The following MYO3B variants were observed in gnomAD, a reference collection of about 807,000 sequenced individuals.
MYO3B encodes the protein myosin-IIIb.
Under a neutral mutation model 174.6 loss-of-function variants are expected in MYO3B, and 156 were observed. The observed-to-expected ratio is 0.89, with a 90% CI of 0.78 to 1.02. The LOEUF (loss-of-function observed/expected upper bound fraction) is 1.02. MYO3B is among the 50% of genes least tolerant of loss of function. The pLI is 0.00. For missense variants in MYO3B, 1,632 were observed against 1,639.4 expected (o/e 1.00, Z 0.08); for synonymous variants, 563 against 569.1 (o/e 0.99, Z 0.15).
chr2:170,594,009 T>A (rs1414006257), intron 32 of MYO3B, among the ~76,000 whole-genome samples: 1 of 152,180 alleles, frequency 6.6e-6, no homozygotes, highest in Admixed American at 6.5e-5. Flanking sequence ...CATGTTACCT[T>A]CCTTCCTTTG....
intron 7 of MYO3B, among the ~76,000 whole-genome samples, chr2:170,279,512 T>C (rs534886446): frequency 6.6e-6 from 1 of 152,184 alleles, no homozygotes; most frequent in Non-Finnish European, 1.5e-5. Flanking sequence ...GTTTGTTACA[T>C]AGGTAAACTT....
intron 32 of MYO3B, chr2:170,602,011 C>T: frequency 1.1e-6 from 1 of 912,492 alleles, no homozygotes. Flanking sequence ...TTTCATTTCT[C>T]TTTCATAACG....
chr2:170,214,842 GT>G lies in MYO3B; in HGVS notation c.526+15del, dbSNP rs772742183. ...TCGTTGACTTTGGTAATGACTGCTT[GT>G]CGTTTGTTTTCTTGACGTGTGCAGT... is the stretch of plus-strand genomic sequence containing the variant. On this transcript the variant is annotated intron_variant, in intron 5 of 34. Coordinates refer to ENST00000408978, the MANE Select transcript of MYO3B (RefSeq NM_138995.5). 72 of 1,601,756 alleles carry G rather than the reference GT, an allele frequency of 4.5e-5. No homozygotes were observed. The highest frequency in any genetic ancestry group is 5.8e-5 in the Non-Finnish European group (68 of 1,169,000).
chr2:170,223,304 ATC>A (rs1345636048), intron 6 of MYO3B, among the ~76,000 whole-genome samples: 1 of 152,224 alleles, frequency 6.6e-6, no homozygotes, highest in African/African-American at 2.4e-5. Flanking sequence ...CATGTTTATT[ATC>A]TCTTTTCTCC....
intron 7 of MYO3B, chr2:170,333,816 T>C (rs1574803991): frequency 1.3e-5 from 2 of 152,206 alleles, no homozygotes; most frequent in Admixed American, 1.3e-4. Flanking sequence ...CCACATATGG[T>C]GCTTGTGCTT....
intron 22 of MYO3B, among the ~76,000 whole-genome samples, chr2:170,418,594 G>A (rs889983407): frequency 2.0e-5 from 3 of 152,086 alleles, no homozygotes; most frequent in Non-Finnish European, 2.9e-5. Context: ...TGTGGTGCTC[G>A]GTCCAGACCT....
intron 32 of MYO3B, chr2:170,647,042 G>A (rs941146688): frequency 1.0e-5 from 6 of 572,310 alleles, no homozygotes; most frequent in African/African-American, 5.9e-5. Context: ...ATAATTAAAC[G>A]CATGCATGTC....
chr2:170,516,642 C>CA (rs35780085), intron 29 of MYO3B, among the ~76,000 whole-genome samples: 4,266 of 108,144 alleles, frequency 0.039, 79 homozygotes, highest in Middle Eastern at 0.051. Flanking sequence ...GACTCCGTCT[C>CA]AAAAAAAAAA....
intron 32 of MYO3B, among the ~76,000 whole-genome samples, chr2:170,628,331 T>C (rs1696642269): frequency 6.6e-6 from 1 of 152,240 alleles, no homozygotes; most frequent in South Asian, 2.1e-4. Flanking sequence ...TCCGTGGGCA[T>C]GGGACCCTCT....
At chr2:170,647,975 C>A (rs1384171497) in intron 32 of MYO3B, 4 of 152,098 alleles carry the variant, frequency 2.6e-5, no homozygotes, top group African/African-American at 9.7e-5. Context: ...GAATTCCTGC[C>A]GTATTAGAAA....
chr2:170,284,917 A>C (rs2093542970), intron 7 of MYO3B, among the ~76,000 whole-genome samples: 1 of 152,212 alleles, frequency 6.6e-6, no homozygotes, highest in African/African-American at 2.4e-5. Flanking sequence ...AATATAGAGT[A>C]TGGTTTGATT....
intron 3 of MYO3B, among the ~76,000 whole-genome samples, chr2:170,210,965 T>C (rs1341120920): frequency 6.6e-6 from 1 of 152,200 alleles, no homozygotes; most frequent in East Asian, 1.9e-4. Flanking sequence ...ATCTCCTATT[T>C]GGATTATTGG....
intron 7 of MYO3B, among the ~76,000 whole-genome samples, chr2:170,328,375 T>TGG: frequency 6.6e-6 from 1 of 152,110 alleles, no homozygotes; most frequent in Non-Finnish European, 1.5e-5. Flanking sequence ...TACAGTGTGT[T>TGG]CTATGGAGTT....
chr2:170,304,162 ATTCAAAAGAGTACTTATTT>A (rs2093684436), intron 7 of MYO3B, among the ~76,000 whole-genome samples: 1 of 152,210 alleles, frequency 6.6e-6, no homozygotes, highest in Admixed American at 6.5e-5. Context: ...AGAACCTATG[ATTCAAAAGAGTACTTATTT>A]TTAATATTGA....
At chr2:170,612,974 C>A (rs574295203) in intron 32 of MYO3B, among the ~76,000 whole-genome samples, 1 of 152,132 alleles carries the variant, frequency 6.6e-6, no homozygotes, top group Non-Finnish European at 1.5e-5. Context: ...GGGAGGCCTA[C>A]GCGGAGCACT....
chr2:170,512,458 C>T (rs775616750), intron 28 of MYO3B, among the ~76,000 whole-genome samples: 1 of 152,138 alleles, frequency 6.6e-6, no homozygotes, highest in Non-Finnish European at 1.5e-5. Context: ...GTGCCTCATC[C>T]GTATGAGCCT....
chr2:170,459,224 C>T (rs901204901), intron 23 of MYO3B, among the ~76,000 whole-genome samples: 4 of 152,316 alleles, frequency 2.6e-5, no homozygotes, highest in African/African-American at 7.2e-5. Context: ...TGGCAGCCTG[C>T]TTTTATTCCC....
chr2:170,355,821 A>G (rs975511034), intron 8 of MYO3B, among the ~76,000 whole-genome samples: 3 of 152,188 alleles, frequency 2.0e-5, no homozygotes, highest in Non-Finnish European at 4.4e-5. Flanking sequence ...CCCTATAAAA[A>G]TTCACCAAGT....
intron 22 of MYO3B, among the ~76,000 whole-genome samples, chr2:170,415,661 A>AT (rs745697153): frequency 3.3e-5 from 5 of 152,062 alleles, no homozygotes; most frequent in Non-Finnish European, 7.4e-5. Context: ...CCTTCTATAT[A>AT]TTTTTTTCAC....
Sources: allele counts gnomAD v4.1 joint callset (sites outside exome capture counted in the v4.1 genomes callset), GRCh38; gene constraint gnomAD v4.1.1; transcripts MANE v1.5; gene names NCBI Gene and HGNC (gene_info 2026-07-23, HGNC 2026-07-21).